The following SYN3 variants were observed in gnomAD, a reference collection of about 807,000 sequenced individuals.
SYN3 encodes the protein synapsin III, also known as synapsin-3.
A neutral mutation model predicts 65.8 loss-of-function variants in SYN3; 35 were observed. That is an observed-to-expected ratio of 0.53 (90% CI 0.41 to 0.70). The LOEUF (loss-of-function observed/expected upper bound fraction) is 0.70, where lower values mean the gene tolerates loss of function less well. Among genes scored for constraint, SYN3 ranks in the 30% least tolerant of loss-of-function variants. The pLI, the probability that SYN3 is intolerant of heterozygous loss-of-function variation, is 0.00. For missense variants in SYN3, 680 were observed against 749.0 expected (o/e 0.91, Z 1.08); for synonymous variants, 270 against 292.9 (o/e 0.92, Z 0.80).
At chr22:32,749,639 T>G (rs950779611) in intron 6 of SYN3, among the ~76,000 whole-genome samples, 2 of 151,884 alleles carry the variant, frequency 1.3e-5, no homozygotes, top group Admixed American at 1.3e-4. Context: ...AGACTTCATC[T>G]CAACAACAAC....
intron 6 of SYN3, among the ~76,000 whole-genome samples, chr22:32,649,844 G>T (rs2060036709): frequency 6.6e-6 from 1 of 152,178 alleles, no homozygotes; most frequent in South Asian, 2.1e-4. Context: ...ACAGAATCGG[G>T]TGGTTTAGGA....
At chr22:32,928,309 G>A (rs1030923138) in intron 4 of SYN3, among the ~76,000 whole-genome samples, 4 of 151,744 alleles carry the variant, frequency 2.6e-5, no homozygotes, top group Admixed American at 2.0e-4. Flanking sequence ...CAGCCTGGGC[G>A]ACAGAGCGAG....
chr22:32,957,801 C>T (rs376654685), intron 3 of SYN3, among the ~76,000 whole-genome samples: 2 of 152,248 alleles, frequency 1.3e-5, no homozygotes, highest in East Asian at 3.9e-4. Context: ...AGGTTGTTTC[C>T]CTGATCCCTT....
chr22:32,693,282 A>G (rs2060691165), intron 6 of SYN3, among the ~76,000 whole-genome samples: 2 of 152,220 alleles, frequency 1.3e-5, no homozygotes, highest in Admixed American at 1.3e-4. Flanking sequence ...CGATCTGATA[A>G]CAGATGGCTG....
chr22:32,866,527 T>C (rs757601734), intron 5 of SYN3, among the ~76,000 whole-genome samples: 34 of 152,228 alleles, frequency 2.2e-4, no homozygotes, highest in Non-Finnish European at 3.5e-4. Context: ...TGAGCCTCAG[T>C]TTCCTCATCT....
chr22:32,845,892 ATT>A (rs1387825154), intron 6 of SYN3, among the ~76,000 whole-genome samples: 2 of 152,202 alleles, frequency 1.3e-5, no homozygotes, highest in Admixed American at 6.5e-5. Flanking sequence ...GAGAACCCTG[ATT>A]GCCAAACAGG....
At chr22:32,858,248 T>C (rs777797839) in intron 6 of SYN3, 169 of 1,503,636 alleles carry the variant, frequency 1.1e-4, no homozygotes, top group Non-Finnish European at 1.3e-4. Context: ...AGGGTATGCA[T>C]GTGTTAGGCC....
At chr22:32,530,880 C>T (rs1254801335) in intron 10 of SYN3, among the ~76,000 whole-genome samples, 1 of 151,756 alleles carries the variant, frequency 6.6e-6, no homozygotes, top group Non-Finnish European at 1.5e-5. Flanking sequence ...GTGGCAGGTG[C>T]CTGTAATCCC....
At chr22:32,904,577 C>T (rs1258507850) in intron 4 of SYN3, among the ~76,000 whole-genome samples, 3 of 151,760 alleles carry the variant, frequency 2.0e-5, no homozygotes, top group Non-Finnish European at 2.9e-5. Context: ...ACAGTAAAAG[C>T]AGAATTGGGG....
intron 6 of SYN3, among the ~76,000 whole-genome samples, chr22:32,830,659 C>T (rs2047544917): frequency 6.6e-6 from 1 of 151,920 alleles, no homozygotes; most frequent in Non-Finnish European, 1.5e-5. Flanking sequence ...TCCACAGGGC[C>T]ACCCCCCCGC....
chr22:32,948,462 C>A (rs938665673), intron 3 of SYN3, among the ~76,000 whole-genome samples: 1 of 152,066 alleles, frequency 6.6e-6, no homozygotes, highest in African/African-American at 2.4e-5. Context: ...TTGGGCCAGG[C>A]GCGGTGGCTC....
At chr22:32,920,454 A>G (rs1408122710) in intron 4 of SYN3, among the ~76,000 whole-genome samples, 2 of 152,074 alleles carry the variant, frequency 1.3e-5, no homozygotes, top group East Asian at 1.9e-4. Context: ...GAGAACCTGG[A>G]TGTCTGGGTT....
intron 3 of SYN3, among the ~76,000 whole-genome samples, chr22:32,940,484 T>C (rs2050905500): frequency 1.3e-5 from 2 of 152,236 alleles, no homozygotes; most frequent in Admixed American, 6.5e-5. Context: ...TGCTAGAAGC[T>C]TCTCTGTTGA....
chr22:32,592,952 G>C (rs2059148310), intron 7 of SYN3, among the ~76,000 whole-genome samples: 4 of 152,138 alleles, frequency 2.6e-5, no homozygotes, highest in Admixed American at 2.0e-4. Flanking sequence ...CATCCATGGG[G>C]GCCTGGGTAG....
chr22:32,911,452 C>G (rs965165831), intron 4 of SYN3, among the ~76,000 whole-genome samples: 1 of 152,160 alleles, frequency 6.6e-6, no homozygotes, highest in Non-Finnish European at 1.5e-5. Context: ...CTTCTCCTGC[C>G]TCAGTGTTTG....
At chr22:32,948,093 T>TC (rs1192839403) in intron 3 of SYN3, among the ~76,000 whole-genome samples, 1 of 152,200 alleles carries the variant, frequency 6.6e-6, no homozygotes. Context: ...TGAGTACTTT[T>TC]CACTTTTCAA....
At chr22:32,785,886 GT>G in intron 6 of SYN3, among the ~76,000 whole-genome samples, 1 of 152,280 alleles carries the variant, frequency 6.6e-6, no homozygotes, top group Middle Eastern at 3.4e-3. Flanking sequence ...CAGGCCTGGT[GT>G]AGGGGCTCAG....
intron 7 of SYN3, among the ~76,000 whole-genome samples, chr22:32,568,945 G>T (rs1010930349): frequency 6.6e-6 from 1 of 152,156 alleles, no homozygotes; most frequent in Non-Finnish European, 1.5e-5. Context: ...CCATTTGATG[G>T]GTGTTTAGGC....
At chr22:32,621,297 CTTTTT>C (rs58499520) in intron 6 of SYN3, among the ~76,000 whole-genome samples, 11,552 of 140,990 alleles carry the variant, frequency 0.082, 997 homozygotes, top group African/African-American at 0.22. Flanking sequence ...TAACTTTTGC[CTTTTT>C]TTTTTTTTTT....
Sources: allele counts gnomAD v4.1 joint callset (sites outside exome capture counted in the v4.1 genomes callset), GRCh38; gene constraint gnomAD v4.1.1; transcripts MANE v1.5; gene names NCBI Gene and HGNC (gene_info 2026-07-23, HGNC 2026-07-21).